AMBRA1: variants seen among roughly 807,000 people sequenced by gnomAD.
The protein encoded by AMBRA1 is activating molecule in BECN1-regulated autophagy protein 1.
In AMBRA1, 47 loss-of-function variants were observed where a neutral mutation model predicts 125.4. The observed-to-expected ratio is 0.37, with a 90% CI of 0.30 to 0.48. The LOEUF (loss-of-function observed/expected upper bound fraction) is 0.48, where lower values mean the gene tolerates loss of function less well. Ranked by LOEUF, AMBRA1 falls within the 20% of genes least tolerant of loss-of-function variation. The pLI, the probability that AMBRA1 is intolerant of heterozygous loss-of-function variation, is 0.99. For synonymous variants in AMBRA1, 626 were observed against 655.5 expected (o/e 0.95, Z 0.69); for missense variants, 1,331 against 1,693.4 (o/e 0.79, Z 3.76).
chr11:46,480,300 A>G (rs1590916130), intron 11 of AMBRA1, among the ~76,000 whole-genome samples: 1 of 152,296 alleles, frequency 6.6e-6, no homozygotes, highest in South Asian at 2.1e-4. Context: ...TCATTATTTT[A>G]CCTACTAAAC....
intron 9 of AMBRA1, among the ~76,000 whole-genome samples, chr11:46,505,960 A>G (rs996167914): frequency 5.9e-5 from 9 of 152,058 alleles, no homozygotes; most frequent in African/African-American, 2.2e-4. Flanking sequence ...AATCCACAAC[A>G]CTGACTCCCA....
intron 1 of AMBRA1, among the ~76,000 whole-genome samples, chr11:46,574,760 T>C (rs1462734227): frequency 6.6e-6 from 1 of 152,228 alleles, no homozygotes; most frequent in Non-Finnish European, 1.5e-5. Context: ...TGAAAAATAC[T>C]GGTTTAAAAC....
intron 11 of AMBRA1, among the ~76,000 whole-genome samples, chr11:46,456,032 C>T (rs1457165943): frequency 6.6e-6 from 1 of 152,156 alleles, no homozygotes; most frequent in East Asian, 1.9e-4. Context: ...TGCACTTACA[C>T]TAATGATGTA....
chr11:46,487,799 G>A (rs1950315092), intron 11 of AMBRA1, among the ~76,000 whole-genome samples: 1 of 151,984 alleles, frequency 6.6e-6, no homozygotes, highest in Non-Finnish European at 1.5e-5. Context: ...TAAAATGGCA[G>A]ACAAAAACCC....
At chr11:46,430,943 C>G (rs1200148339) in intron 14 of AMBRA1, among the ~76,000 whole-genome samples, 3 of 152,218 alleles carry the variant, frequency 2.0e-5, no homozygotes, top group African/African-American at 7.2e-5. Context: ...GCTCCCTGTT[C>G]TCAGACAAAA....
At chr11:46,546,561 CA>C (rs1953028632) in intron 4 of AMBRA1, among the ~76,000 whole-genome samples, 1 of 147,950 alleles carries the variant, frequency 6.8e-6, no homozygotes, top group Non-Finnish European at 1.5e-5. Context: ...CTGAAGGAAG[CA>C]AAAGTAGATG....
At chr11:46,519,977 T>C (rs990895010) in intron 7 of AMBRA1, among the ~76,000 whole-genome samples, 9 of 151,972 alleles carry the variant, frequency 5.9e-5, no homozygotes, top group Admixed American at 3.9e-4. Context: ...CCGTCTCTAC[T>C]AAAAATAAAA....
intron 14 of AMBRA1, among the ~76,000 whole-genome samples, chr11:46,430,912 G>C (rs549842074): frequency 1.3e-5 from 2 of 152,204 alleles, no homozygotes; most frequent in African/African-American, 4.8e-5. Flanking sequence ...GGGAGATGCT[G>C]TACTGTCCCA....
chr11:46,466,441 G>A (rs1388877916), intron 11 of AMBRA1, among the ~76,000 whole-genome samples: 5 of 152,204 alleles, frequency 3.3e-5, no homozygotes, highest in Non-Finnish European at 7.3e-5. Context: ...ATGGCTACCT[G>A]AGAAGGAGCA....
chr11:46,569,114 CCTT>C (rs2135267309), intron 1 of AMBRA1, among the ~76,000 whole-genome samples: 1 of 151,560 alleles, frequency 6.6e-6, no homozygotes, highest in African/African-American at 2.4e-5. Flanking sequence ...GCCGACCCTA[CCTT>C]CTTGAGATAA....
chr11:46,400,513 AC>A (rs1945699781), intron 17 of AMBRA1, among the ~76,000 whole-genome samples: 1 of 49,844 alleles, frequency 2.0e-5, no homozygotes, highest in Admixed American at 2.9e-4. Context: ...TTTTTTTGAG[AC>A]CAGGTCTCGC....
At chr11:46,464,142 G>GTT (rs1470790939) in intron 11 of AMBRA1, among the ~76,000 whole-genome samples, 1 of 152,136 alleles carries the variant, frequency 6.6e-6, no homozygotes, top group African/African-American at 2.4e-5. Context: ...TTAGGCAATG[G>GTT]GATAAACTCC....
chr11:46,493,627 A>C lies in AMBRA1; in HGVS notation c.2502T>G (p.Ser834=). 1 of 1,606,514 alleles carries C rather than the reference A, an allele frequency of 6.2e-7. No homozygotes were observed. Residue 834 remains serine, a synonymous_variant, in exon 11 of 18, where the codon TCT becomes TCG. Coordinates refer to ENST00000683756, the MANE Select transcript of AMBRA1 (RefSeq NM_001387011.1). ...CCTTACCTGCCAGGACCCTGTTAAC[A>C]GAAGAGTGAGTAGCCAAGCCAGGCT... The part of the protein sequence containing the change: ...RGQPGLATHS[S]VNRVLAGAVI...
chr11:46,498,125 T>A (rs1035444443), intron 9 of AMBRA1, among the ~76,000 whole-genome samples: 2 of 152,028 alleles, frequency 1.3e-5, no homozygotes, highest in Non-Finnish European at 2.9e-5. Flanking sequence ...TATGAGTGAA[T>A]TGGAAGATAT....
chr11:46,438,364 G>T (rs902457860), intron 12 of AMBRA1, among the ~76,000 whole-genome samples: 2 of 152,194 alleles, frequency 1.3e-5, no homozygotes, highest in Admixed American at 6.5e-5. Context: ...AATGGGAGGG[G>T]TTAGAAATAC....
intron 11 of AMBRA1, among the ~76,000 whole-genome samples, chr11:46,466,302 G>A (rs915103312): frequency 6.6e-5 from 10 of 151,776 alleles, no homozygotes; most frequent in African/African-American, 1.9e-4. Context: ...AGCCGAGATC[G>A]TGCCACTGCA....
chr11:46,541,744 G>A (rs946184860), intron 7 of AMBRA1, among the ~76,000 whole-genome samples: 6 of 152,190 alleles, frequency 3.9e-5, no homozygotes, highest in East Asian at 3.8e-4. Flanking sequence ...TAGAGCTAGC[G>A]CAGCCAACTG....
chr11:46,546,033 CTTTTTTT>C (rs35703280), intron 4 of AMBRA1: 23 of 139,176 alleles, frequency 1.7e-4, no homozygotes, highest in African/African-American at 4.2e-4. Flanking sequence ...GTTCCTATTT[CTTTTTTT>C]TTTTTTTTTT....
Position 46,545,709 on chromosome 11 carries a change from G to A in AMBRA1, c.446C>T (p.Ala149Val), listed in dbSNP as rs1397900963. 6.2e-7 allele frequency: 1 copy of A among 1,614,204 alleles called. No homozygotes were observed. The highest frequency in any genetic ancestry group is 1.1e-5 in the South Asian group (1 of 91,090). The change falls in exon 5 of 18, where the codon GCT becomes GTT. Residue 149 changes from alanine (A) to valine (V), a missense_variant. This residue lies in a region of AMBRA1 where 144 missense variants were observed against 250.4 expected (regional missense o/e 0.58). Coordinates refer to ENST00000683756, the MANE Select transcript of AMBRA1 (RefSeq NM_001387011.1). ...GGCAGTGGCAATCAGCAGGAGCTGA[G>A]CCGTAGGGTGGAAAGCCAGGGAGGC... ...AIASLAFHPT[A>V]QLLLIATANE...
Sources: gnomAD v4.1 joint callset for allele counts (sites outside exome capture counted in the v4.1 genomes callset) on GRCh38, gnomAD v4.1.1 for gene constraint, gnomAD v4.1.1 regional missense constraint, MANE v1.5 for transcripts, NCBI Gene and HGNC (gene_info 2026-07-23, HGNC 2026-07-21) for gene names.